The following SLX9 variants were observed in gnomAD, a reference collection of about 807,000 sequenced individuals.
SLX9 encodes the protein ribosome biogenesis protein SLX9 homolog.
SLX9 carries 19 observed loss-of-function variants against 20.8 expected under a neutral mutation model. The observed-to-expected ratio is 0.91, with a 90% CI of 0.64 to 1.34. The LOEUF is 1.34. Ranked by LOEUF, SLX9 falls within the 40% of genes most tolerant of loss-of-function variation. The probability of loss-of-function intolerance (pLI) is 0.00; values close to 1 mark genes in which losing one functional copy is unlikely to be tolerated. For synonymous variants in SLX9, 113 were observed against 137.1 expected, an observed-to-expected ratio of 0.82 and a Z score of 1.23; for missense variants, 299 against 322.2, an observed-to-expected ratio of 0.93 and a Z score of 0.55.
intron 3 of SLX9, among the ~76,000 whole-genome samples, chr21:44,965,216 A>G (rs1171829586): frequency 6.6e-6 from 1 of 152,220 alleles, no homozygotes; most frequent in Non-Finnish European, 1.5e-5. Flanking sequence ...TTTCCGGAGT[A>G]ACTGACAGAG....
rs2123476808 is a variant in SLX9, at chr21:44,976,714, GCC to G, written c.605_606del (p.Ala202GlufsTer57). On this transcript the variant is annotated frameshift_variant, in exon 6 of 6. Transcript: ENST00000291634. LOFTEE classifies it high-confidence loss of function. ...EERTRFQELLASPAYRASPLV... is the reference protein window; with the variant it reads ...EERTRFQELLXSPAYRASPLV... ...AAGGACCCGGTTTCAGGAGCTGCTG[GCC>G]AGTCCGGCCTACAGAGCCAGCCCCC... is the stretch of plus-strand genomic sequence containing the variant. 6.3e-7 allele frequency: 1 copy of G among 1,575,418 alleles called. No homozygotes were observed. Among genetic ancestry groups the G allele is most frequent in the Non-Finnish European group, 8.6e-7 (1 of 1,161,200 alleles).
chr21:44,969,339 T>A, intron 4 of SLX9: 1 of 413,528 alleles, frequency 2.4e-6, no homozygotes, highest in South Asian at 1.7e-5. Context: ...TGGTCAAGTA[T>A]CCTTTCCCTG....
At chr21:44,952,630 G>A (rs1601388788) in intron 2 of SLX9, among the ~76,000 whole-genome samples, 1 of 152,208 alleles carries the variant, frequency 6.6e-6, no homozygotes, top group Non-Finnish European at 1.5e-5. Context: ...CCCAGCAGAG[G>A]TCTTTTGGCT....
intron 2 of SLX9, 40 bp downstream of exon 2, chr21:44,943,877 A>G: frequency 6.2e-7 from 1 of 1,613,212 alleles, no homozygotes; most frequent in Non-Finnish European, 8.5e-7. Context: ...GATACCCAGC[A>G]GGTCTGGGAT....
At position 44,976,669 on chromosome 21, in the gene SLX9, C is replaced by T. The variant is rs776790633; in HGVS notation, c.570-11C>T. On this transcript the variant is annotated splice_polypyrimidine_tract_variant and intron_variant, in intron 5 of 5. Coordinates refer to ENST00000291634, the MANE Select transcript of SLX9 (RefSeq NM_058190.4). ...TTCCTGCCTGCTGATCTGTGGTCTC[C>T]ATTCTTTCAGCGAGGAAGAAAGGAC... 9 of 1,579,444 alleles carry T rather than the reference C, an allele frequency of 5.7e-6. 1 individual carries two copies. In the Admixed American group the frequency reaches 1.2e-4, roughly 22 times the overall value.
intron 4 of SLX9, chr21:44,969,098 C>A (rs757718820): frequency 1.3e-5 from 6 of 450,156 alleles, no homozygotes; most frequent in Non-Finnish European, 2.8e-5. Flanking sequence ...TACTAACTTT[C>A]CATCTGGGCA....
At chr21:44,948,600 C>G (rs753883399) in intron 2 of SLX9, among the ~76,000 whole-genome samples, 7 of 152,250 alleles carry the variant, frequency 4.6e-5, no homozygotes, top group Non-Finnish European at 8.8e-5. Flanking sequence ...GCTGGGGGCC[C>G]CTGGAGCAGA....
chr21:44,941,512 C>T (rs756623223), intron 1 of SLX9, among the ~76,000 whole-genome samples: 2 of 151,884 alleles, frequency 1.3e-5, no homozygotes, highest in Non-Finnish European at 2.9e-5. Flanking sequence ...TCTGCTTAAG[C>T]TCCTCACTGG....
chr21:44,963,112 T>TA (rs1488752771), intron 3 of SLX9, among the ~76,000 whole-genome samples: 1 of 150,384 alleles, frequency 6.6e-6, no homozygotes, highest in Non-Finnish European at 1.5e-5. Context: ...TTTTTTGAGA[T>TA]AGAGTCTTGC....
intron 5 of SLX9, among the ~76,000 whole-genome samples, chr21:44,975,429 G>A (rs879759692): frequency 1.3e-5 from 2 of 152,212 alleles, no homozygotes; most frequent in African/African-American, 4.8e-5. Context: ...ACAGTGCCAG[G>A]GGCACCGAAC....
chr21:44,968,034 C>T (rs2085071214), intron 4 of SLX9, among the ~76,000 whole-genome samples: 1 of 131,362 alleles, frequency 7.6e-6, no homozygotes, highest in Non-Finnish European at 1.5e-5. Context: ...GTTCTGGGCC[C>T]TTAGTGCATG....
intron 2 of SLX9, among the ~76,000 whole-genome samples, chr21:44,958,044 T>C (rs929427035): frequency 8.5e-5 from 13 of 152,234 alleles, no homozygotes; most frequent in Admixed American, 7.9e-4. Context: ...TGGCCGGCGA[T>C]TGTATGAAGT....
chr21:44,946,556 A>G (rs2084646319), intron 2 of SLX9, among the ~76,000 whole-genome samples: 1 of 152,186 alleles, frequency 6.6e-6, no homozygotes, highest in South Asian at 2.1e-4. Context: ...CATGGCTGTG[A>G]TTTCTGCCTT....
In SLX9 at chr21:44,940,038, T is replaced by C. The variant is rs2146596281; in HGVS notation, c.-20T>C. 2 of 1,424,402 alleles carry C rather than the reference T, an allele frequency of 1.4e-6. No homozygotes were observed. The highest frequency in any genetic ancestry group is 1.8e-6 in the Non-Finnish European group (2 of 1,089,944). The allele number at this position is 1,424,402 out of a possible 1,614,324, so 88.2% of individuals were successfully genotyped here. On this transcript the variant is annotated 5_prime_UTR_variant, in exon 1 of 6. Transcript: ENST00000291634. Reference sequence around the variant, plus strand: ...GCTTCCGGGAGGCGCTCCGCACGTTTGCCGTGCTCCGCCGGGAAGATGGGG... The same window carrying C: ...GCTTCCGGGAGGCGCTCCGCACGTTCGCCGTGCTCCGCCGGGAAGATGGGG...
At chr21:44,957,188 G>A (rs923300289) in intron 2 of SLX9, among the ~76,000 whole-genome samples, 3 of 152,242 alleles carry the variant, frequency 2.0e-5, no homozygotes, top group Non-Finnish European at 4.4e-5. Flanking sequence ...CCAGAGCTCT[G>A]TGATGAGTCA....
intron 5 of SLX9, among the ~76,000 whole-genome samples, chr21:44,975,371 C>T (rs1012838054): frequency 2.0e-5 from 3 of 152,240 alleles, no homozygotes; most frequent in Admixed American, 6.5e-5. Context: ...TCTCTGTTTA[C>T]GGTTGTCCAG....
upstream of SLX9, chr21:44,939,787 G>T: frequency 1.8e-6 from 1 of 555,664 alleles, no homozygotes; most frequent in Non-Finnish European, 3.3e-6. Flanking sequence ...GCAACCCCGG[G>T]CTTGGGTCCC....
intron 4 of SLX9, among the ~76,000 whole-genome samples, chr21:44,971,941 A>C (rs1364983419): frequency 6.6e-6 from 1 of 152,158 alleles, no homozygotes. Flanking sequence ...GGGAGATGCG[A>C]GGGGCTGTCA....
At chr21:44,962,881 G>C (rs1481467745) in intron 3 of SLX9, among the ~76,000 whole-genome samples, 1 of 152,138 alleles carries the variant, frequency 6.6e-6, no homozygotes, top group Non-Finnish European at 1.5e-5. Flanking sequence ...GTATCTCACG[G>C]TGGTACTCAT....
Sources: allele counts gnomAD v4.1 joint callset (sites outside exome capture counted in the v4.1 genomes callset), GRCh38; gene constraint gnomAD v4.1.1; transcripts MANE v1.5; gene names NCBI Gene and HGNC (gene_info 2026-07-23, HGNC 2026-07-21).